Variants in PECAM1 observed in about 807,000 individuals in gnomAD.
PECAM1 encodes the protein platelet and endothelial cell adhesion molecule 1.
Under a neutral mutation model 13.8 loss-of-function variants are expected in PECAM1, and 8 were observed. The ratio of observed to expected loss-of-function variants is 0.58; its 90% CI spans 0.34 to 1.05. The LOEUF (loss-of-function observed/expected upper bound fraction) is 1.05, where lower values mean the gene tolerates loss of function less well. PECAM1 is among the 50% of genes least tolerant of loss of function. The pLI is 0.03. For missense variants in PECAM1, 304 were observed against 141.2 expected, an observed-to-expected ratio of 2.15 and a Z score of -5.84; for synonymous variants, 136 against 52.6, an observed-to-expected ratio of 2.58 and a Z score of -6.86.
At chr17:64,353,584 C>T (rs1007658140) in intron 9 of PECAM1, 66 bp from the exon 10 acceptor site, 7 of 445,348 alleles carry the variant, frequency 1.6e-5, no homozygotes, top group South Asian at 9.5e-5. Context: ...ACTATAATGG[C>T]CAAAACGCCA....
At chr17:64,382,029 G>A (rs2036492482) in intron 2 of PECAM1, among the ~76,000 whole-genome samples, 1 of 152,176 alleles carries the variant, frequency 6.6e-6, no homozygotes, top group Non-Finnish European at 1.5e-5. Context: ...GAACCTGGGA[G>A]GCAGAGGTTG....
chr17:64,339,508 G>A (rs925123662), intron 14 of PECAM1, among the ~76,000 whole-genome samples: 2 of 151,882 alleles, frequency 1.3e-5, no homozygotes, highest in Non-Finnish European at 2.9e-5. Context: ...AACACTCTCA[G>A]GGACCACCAA....
At chr17:64,343,736 G>A (rs1436628409) in intron 13 of PECAM1, among the ~76,000 whole-genome samples, 3 of 152,196 alleles carry the variant, frequency 2.0e-5, no homozygotes, top group Non-Finnish European at 4.4e-5. Flanking sequence ...ACTCAGTAGA[G>A]TGGCTGAGCT....
chr17:64,372,586 T>C (rs908591801), intron 4 of PECAM1, among the ~76,000 whole-genome samples: 12 of 152,052 alleles, frequency 7.9e-5, no homozygotes, highest in African/African-American at 2.4e-4. Flanking sequence ...CACTGCAACC[T>C]CCACCTTCCA....
intron 3 of PECAM1, among the ~76,000 whole-genome samples, chr17:64,377,108 T>A (rs2036377004): frequency 6.6e-6 from 1 of 152,210 alleles, no homozygotes; most frequent in African/African-American, 2.4e-5. Flanking sequence ...ATCTTCCTTT[T>A]ACTGGTGAGG....
At chr17:64,347,685 A>G (rs1276241041) in intron 13 of PECAM1, among the ~76,000 whole-genome samples, 1 of 145,508 alleles carries the variant, frequency 6.9e-6, no homozygotes, top group Non-Finnish European at 1.5e-5. Flanking sequence ...CATATATATT[A>G]TATATGTATT....
At chr17:64,390,312 G>T (rs2036688747) in intron 2 of PECAM1, 177 bp downstream of exon 2, 2 of 402,232 alleles carry the variant, frequency 5.0e-6, no homozygotes, top group Non-Finnish European at 8.9e-6. Context: ...ACTTGGCTTA[G>T]ATCTAAGCCT....
intron 13 of PECAM1, among the ~76,000 whole-genome samples, chr17:64,342,530 C>T (rs947104698): frequency 7.9e-5 from 12 of 152,316 alleles, no homozygotes; most frequent in Admixed American, 7.8e-4. Flanking sequence ...CAGGGATAGA[C>T]AGCTGGGCTG....
chr17:64,321,933 A>T lies in PECAM1; in HGVS notation c.*1883T>A. The stretch of plus-strand genomic sequence containing the variant: ...CTGTCCCCAGATCATCAACAGAGAC[A>T]TGAAGGTCGTTAGAGGTCGTCTGAT... On this transcript the variant is annotated 3_prime_UTR_variant, in exon 16 of 16. Transcript: ENST00000563924. 1 of 1,328,500 alleles carries T rather than the reference A, an allele frequency of 7.5e-7. No individual in the cohort carries two copies. Among genetic ancestry groups the T allele is most frequent in the Non-Finnish European group, 1.0e-6 (1 of 1,002,408 alleles). 82.3% of individuals were successfully genotyped at this position (1,328,500 alleles called of 1,614,324 possible).
At chr17:64,342,522 G>A (rs989020692) in intron 13 of PECAM1, among the ~76,000 whole-genome samples, 1 of 152,194 alleles carries the variant, frequency 6.6e-6, no homozygotes, top group Non-Finnish European at 1.5e-5. Context: ...AACTCTTACA[G>A]GGATAGACAG....
chr17:64,387,339 T>A (rs55939060), intron 2 of PECAM1, among the ~76,000 whole-genome samples: 1 of 151,244 alleles, frequency 6.6e-6, no homozygotes, highest in Non-Finnish European at 1.5e-5. Flanking sequence ...AGAGGTGAGG[T>A]GGGTAGGCAC....
At chr17:64,350,639 CTTTCTTTT>C (rs2035698782) in intron 11 of PECAM1, among the ~76,000 whole-genome samples, 2 of 143,436 alleles carry the variant, frequency 1.4e-5, no homozygotes, top group Admixed American at 1.4e-4. Context: ...TTTTTTCTTT[CTTTCTTTT>C]TTTTTTTTTT....
At chr17:64,326,704 G>A (rs1555645789) in intron 15 of PECAM1, among the ~76,000 whole-genome samples, 1 of 152,208 alleles carries the variant, frequency 6.6e-6, no homozygotes, top group Admixed American at 6.5e-5. Context: ...AGGAAGGGCT[G>A]GGCCACAATC....
rs2034821154 is a variant in PECAM1, at chr17:64,322,108, G to A, written c.*1708C>T. On this transcript the variant is annotated 3_prime_UTR_variant, in exon 16 of 16. Transcript: ENST00000563924. ...GTCTAGGCTGGGCATGGTGGCTCAC[G>A]CCTGCAATCCCAACCCAAAGGCCTG... 1 of 1,096,514 alleles carries A rather than the reference G, an allele frequency of 9.1e-7. No homozygotes were observed. The highest frequency in any genetic ancestry group is 1.1e-6 in the Non-Finnish European group (1 of 885,668). 67.9% of individuals were successfully genotyped at this position (1,096,514 alleles called of 1,614,324 possible).
rs2036484130 is a variant in PECAM1 at position 64,381,696 on chromosome 17, TTC to T, written c.92-3581_92-3580del. Among the ~76,000 whole-genome samples the T allele has an allele frequency of 6.6e-5, 10 of 152,330 alleles. No homozygotes were observed. The South Asian group carries it at 2.1e-3, about 32-fold the overall frequency. ...AGATGAAACAAGGTGACGGTTTAAA[TTC>T]AAGTCATTTCCCACAGCATTACTCT... On this transcript the variant is annotated intron_variant, in intron 2 of 15. Coordinates refer to ENST00000563924, the MANE Select transcript of PECAM1 (RefSeq NM_000442.5).
chr17:64,356,486 T>C (rs878984361), intron 7 of PECAM1, 88 bp from the exon 8 acceptor site: 2 of 406,276 alleles, frequency 4.9e-6, no homozygotes, highest in East Asian at 3.6e-5. Flanking sequence ...TTTTTTTTTT[T>C]CCTCTGAGAC....
At chr17:64,371,398 G>A (rs1052009229) in intron 4 of PECAM1, among the ~76,000 whole-genome samples, 306 of 152,246 alleles carry the variant, frequency 2.0e-3, no homozygotes, top group Non-Finnish European at 3.6e-3. Context: ...TCAGCTAGGG[G>A]CGGTGGCTCA....
At chr17:64,374,453 C>T (rs1355494296) in intron 4 of PECAM1, among the ~76,000 whole-genome samples, 2 of 151,712 alleles carry the variant, frequency 1.3e-5, no homozygotes, top group Non-Finnish European at 2.9e-5. Context: ...CATGCCACTG[C>T]ACTCCAGCTC....
At chr17:64,383,196 G>C (rs2036521248) in intron 2 of PECAM1, among the ~76,000 whole-genome samples, 1 of 152,162 alleles carries the variant, frequency 6.6e-6, no homozygotes, top group Non-Finnish European at 1.5e-5. Flanking sequence ...ATCCCTGGCT[G>C]GTTATGCCCT....
Sources: allele counts gnomAD v4.1 joint callset (sites outside exome capture counted in the v4.1 genomes callset), GRCh38; gene constraint gnomAD v4.1.1; transcripts MANE v1.5; gene names NCBI Gene and HGNC (gene_info 2026-07-23, HGNC 2026-07-21).